Variants in STK39 observed in about 807,000 individuals in gnomAD.
The protein encoded by STK39 is STE20/SPS1-related proline-alanine-rich protein kinase.
Under a neutral mutation model 77.8 loss-of-function variants are expected in STK39, and 20 were observed. That is an observed-to-expected ratio of 0.26 (90% CI 0.18 to 0.37). The LOEUF is 0.37. STK39 is among the 10% of genes least tolerant of loss of function. STK39 has a pLI of 1.00. For synonymous variants in STK39, 246 were observed against 234.1 expected, an observed-to-expected ratio of 1.05 and a Z score of -0.47; for missense variants, 479 against 656.5, an observed-to-expected ratio of 0.73 and a Z score of 2.95.
In STK39 at chr2:167,955,587, A is replaced by C; in HGVS notation, c.1564-17T>G. On this transcript the variant is annotated splice_polypyrimidine_tract_variant and intron_variant, in intron 17 of 17. Transcript: ENST00000355999. ...GCCAGAAGCCTGAAAAGGGAAAAAGAAAGCCTCAATGCTGGTTTGCTGCTG... is the reference window on the plus strand; with the variant it reads ...GCCAGAAGCCTGAAAAGGGAAAAAGCAAGCCTCAATGCTGGTTTGCTGCTG... The C allele has an allele frequency of 6.2e-7, 1 of 1,611,740 alleles. No homozygotes were observed. The highest frequency in any genetic ancestry group is 8.5e-7 in the Non-Finnish European group (1 of 1,178,770).
chr2:167,980,167 T>C (rs573391200), intron 16 of STK39, among the ~76,000 whole-genome samples: 2 of 152,276 alleles, frequency 1.3e-5, no homozygotes, highest in East Asian at 3.9e-4. Context: ...CAGAAATAAT[T>C]TGTGTCTCCT....
At chr2:168,153,992 G>A (rs943216017) in intron 5 of STK39, among the ~76,000 whole-genome samples, 2 of 152,218 alleles carry the variant, frequency 1.3e-5, no homozygotes, top group Admixed American at 6.5e-5. Flanking sequence ...AGACCACAGA[G>A]GGGCAAAGGC....
intron 14 of STK39, among the ~76,000 whole-genome samples, chr2:168,052,052 T>C (rs962051087): frequency 4.6e-5 from 7 of 151,600 alleles, no homozygotes; most frequent in Non-Finnish European, 1.0e-4. Context: ...GATAGAAACA[T>C]AGCACATCCA....
intron 16 of STK39, among the ~76,000 whole-genome samples, chr2:168,001,290 A>C (rs1016873662): frequency 6.6e-6 from 1 of 151,856 alleles, no homozygotes; most frequent in African/African-American, 2.4e-5. Flanking sequence ...AAAAAACAAC[A>C]ACAAAGGAAC....
intron 1 of STK39, among the ~76,000 whole-genome samples, chr2:168,186,542 C>A (rs1003379588): frequency 2.0e-5 from 3 of 152,130 alleles, no homozygotes; most frequent in Non-Finnish European, 2.9e-5. Flanking sequence ...TTAGTAGGAG[C>A]CTTGAAAAGA....
intron 1 of STK39, among the ~76,000 whole-genome samples, chr2:168,219,007 G>A (rs1053409622): frequency 6.6e-6 from 1 of 152,138 alleles, no homozygotes; most frequent in African/African-American, 2.4e-5. Flanking sequence ...CACAGCTACA[G>A]GTCATTTTCC....
chr2:168,058,342 T>C (rs1259835095), intron 14 of STK39, among the ~76,000 whole-genome samples: 2 of 152,202 alleles, frequency 1.3e-5, no homozygotes, highest in Non-Finnish European at 2.9e-5. Flanking sequence ...CACTCTCTCC[T>C]CTACCTCACC....
intron 15 of STK39, among the ~76,000 whole-genome samples, chr2:168,013,824 GTGTGTGTGTGTA>G (rs1172172683): frequency 0.018 from 1,438 of 80,680 alleles, 19 homozygotes; most frequent in African/African-American, 0.045. Flanking sequence ...GTGTGTGTGT[GTGTGTGTGTGTA>G]TGTGTTTGCA....
intron 10 of STK39, among the ~76,000 whole-genome samples, chr2:168,105,659 A>C (rs1686950197): frequency 6.6e-6 from 1 of 152,240 alleles, no homozygotes; most frequent in Non-Finnish European, 1.5e-5. Context: ...GCTTATATCC[A>C]TAGGAAATAC....
intron 5 of STK39, among the ~76,000 whole-genome samples, chr2:168,153,848 TG>T (rs1378970098): frequency 1.3e-5 from 2 of 152,166 alleles, no homozygotes; most frequent in African/African-American, 2.4e-5. Context: ...GGCCAGATCT[TG>T]TAAGGCCTCA....
At chr2:168,142,300 A>C (rs907154078) in intron 5 of STK39, among the ~76,000 whole-genome samples, 3 of 152,184 alleles carry the variant, frequency 2.0e-5, no homozygotes, top group African/African-American at 7.2e-5. Context: ...ATATATGATA[A>C]AACTTTGAAA....
At chr2:168,061,051 G>A (rs938861920) in intron 14 of STK39, among the ~76,000 whole-genome samples, 1 of 152,098 alleles carries the variant, frequency 6.6e-6, no homozygotes, top group Non-Finnish European at 1.5e-5. Context: ...AAACTATCAG[G>A]TTAATTATTA....
At chr2:168,118,733 A>G (rs1291857901) in intron 10 of STK39, among the ~76,000 whole-genome samples, 1 of 151,998 alleles carries the variant, frequency 6.6e-6, no homozygotes, top group African/African-American at 2.4e-5. Context: ...TGCGAACACC[A>G]GTCAAGCCAC....
At chr2:168,076,978 G>C (rs1407791511) in intron 10 of STK39, among the ~76,000 whole-genome samples, 1 of 152,130 alleles carries the variant, frequency 6.6e-6, no homozygotes, top group Non-Finnish European at 1.5e-5. Context: ...ATAATTTTCT[G>C]TTGACATATA....
intron 1 of STK39, among the ~76,000 whole-genome samples, chr2:168,213,428 A>G (rs1689943586): frequency 6.6e-6 from 1 of 152,184 alleles, no homozygotes; most frequent in Admixed American, 6.5e-5. Context: ...ACAAAACTTC[A>G]TTTATGATAT....
At position 167,974,298 on chromosome 2, in the gene STK39, A is replaced by G. The variant is rs938991854; in HGVS notation, c.1499-9572T>C. Reference sequence around the variant, plus strand: ...TTATGGTAACCTGGAATTCTATTTCATAATACCAAGTGTTTTAAACCTTAA... The same window carrying G: ...TTATGGTAACCTGGAATTCTATTTCGTAATACCAAGTGTTTTAAACCTTAA... On this transcript the variant is annotated intron_variant, in intron 16 of 17. Coordinates refer to ENST00000355999, the MANE Select transcript of STK39 (RefSeq NM_013233.3). Among the ~76,000 whole-genome samples, 13 of 152,276 alleles carry G rather than the reference A, an allele frequency of 8.5e-5. 1 individual carries two copies. Among genetic ancestry groups the G allele is most frequent in the African/African-American group, 3.1e-4 (13 of 41,580 alleles).
intron 16 of STK39, among the ~76,000 whole-genome samples, chr2:167,980,496 T>C (rs1260246511): frequency 6.6e-6 from 1 of 152,184 alleles, no homozygotes. Flanking sequence ...ATTAATGAGA[T>C]AGTAAATCTA....
chr2:168,096,765 T>G (rs1686677725), intron 10 of STK39, among the ~76,000 whole-genome samples: 1 of 152,192 alleles, frequency 6.6e-6, no homozygotes, highest in Non-Finnish European at 1.5e-5. Context: ...AATGTAGCAT[T>G]CAGGTCATAA....
chr2:168,170,383 G>A (rs1688794057), intron 2 of STK39, among the ~76,000 whole-genome samples: 1 of 152,176 alleles, frequency 6.6e-6, no homozygotes, highest in Non-Finnish European at 1.5e-5. Flanking sequence ...ATATAAAAAT[G>A]TTTTAGCTGA....
Sources: gnomAD v4.1 joint callset for allele counts (sites outside exome capture counted in the v4.1 genomes callset) on GRCh38, gnomAD v4.1.1 for gene constraint, MANE v1.5 for transcripts, NCBI Gene and HGNC (gene_info 2026-07-23, HGNC 2026-07-21) for gene names.